Variants in CREBRF observed in about 807,000 individuals in gnomAD.
CREBRF encodes UPF0474 protein C5orf41.
A neutral mutation model predicts 66.1 loss-of-function variants in CREBRF; 5 were observed. That is an observed-to-expected ratio of 0.08 (90% CI 0.04 to 0.16). The LOEUF is 0.16. CREBRF is among the 10% of genes least tolerant of loss of function. The probability of loss-of-function intolerance (pLI) is 1.00; values close to 1 mark genes in which losing one functional copy is unlikely to be tolerated. For synonymous variants in CREBRF, 229 were observed against 264.4 expected (o/e 0.87, Z 1.30); for missense variants, 531 against 744.9 (o/e 0.71, Z 3.34).
At chr5:173,078,681 C>G (rs1757844198) in intron 1 of CREBRF, among the ~76,000 whole-genome samples, 1 of 151,572 alleles carries the variant, frequency 6.6e-6, no homozygotes, top group South Asian at 2.1e-4. Flanking sequence ...GCCTCAGCCT[C>G]CCAAAGTGCT....
chr5:173,072,617 C>G (rs1207623098), intron 1 of CREBRF, among the ~76,000 whole-genome samples: 2 of 139,380 alleles, frequency 1.4e-5, no homozygotes, highest in Non-Finnish European at 3.1e-5. Flanking sequence ...TTTGTAGAGA[C>G]AGGGTCTCAC....
chr5:173,080,812 T>A, intron 2 of CREBRF, 28 bp downstream of exon 2: 1 of 1,609,246 alleles, frequency 6.2e-7, no homozygotes, highest in Non-Finnish European at 8.5e-7. Context: ...GGTGCAAAGT[T>A]TTTTATTTTC....
chr5:173,080,935 T>G (rs1442439225), intron 2 of CREBRF, 151 bp downstream of exon 2: 2 of 717,262 alleles, frequency 2.8e-6, no homozygotes, highest in Non-Finnish European at 4.7e-6. Flanking sequence ...GTACATGTTC[T>G]TCCTTCCATT....
chr5:173,109,035 G>T, intron 5 of CREBRF: 1 of 489,384 alleles, frequency 2.0e-6, no homozygotes. Flanking sequence ...GAAGGACTGT[G>T]TAAACATTAT....
chr5:173,070,780 C>T (rs550424989), intron 1 of CREBRF, among the ~76,000 whole-genome samples: 14 of 152,144 alleles, frequency 9.2e-5, no homozygotes, highest in Middle Eastern at 3.4e-3. Flanking sequence ...AGCACATAAA[C>T]GATGCTCAAT....
rs1258149756 is a variant in CREBRF, at chr5:173,117,606, C to CTT, written c.1681+5227_1681+5228insTT. Among the ~76,000 whole-genome samples the CTT allele has an allele frequency of 1.0e-4, 6 of 58,410 alleles. 1 individual carries two copies. Among genetic ancestry groups the CTT allele is most frequent in the Non-Finnish European group, 2.4e-4 (6 of 24,902 alleles). 38.3% of individuals were successfully genotyped at this position (58,410 alleles called of 152,430 possible). ...CCTTCCTTCCTTCCTTCCTTCCATC[C>CTT]CTCCCTCCCTCCCTCACTCCCTCCC... On this transcript the variant is annotated intron_variant, in intron 7 of 8. Coordinates refer to ENST00000296953, the MANE Select transcript of CREBRF (RefSeq NM_153607.3).
intron 5 of CREBRF, chr5:173,109,589 A>C (rs1008730304): frequency 6.6e-6 from 1 of 152,168 alleles, no homozygotes; most frequent in Non-Finnish European, 1.5e-5. Flanking sequence ...AAATTAATCC[A>C]TAGTTTCTAG....
intron 2 of CREBRF, chr5:173,085,415 T>G: frequency 2.6e-6 from 2 of 762,690 alleles, no homozygotes; most frequent in Non-Finnish European, 4.1e-6. Context: ...AATACATTCT[T>G]TTTTTTTTTT....
intron 4 of CREBRF, among the ~76,000 whole-genome samples, chr5:173,107,242 C>G (rs1452746604): frequency 2.6e-5 from 4 of 152,102 alleles, no homozygotes; most frequent in Non-Finnish European, 4.4e-5. Flanking sequence ...GAAAAATTAC[C>G]TTTTTACTTA....
intron 8 of CREBRF, 182 bp downstream of exon 8, chr5:173,123,384 A>T: frequency 1.9e-6 from 1 of 516,096 alleles, no homozygotes; most frequent in Non-Finnish European, 3.3e-6. Flanking sequence ...GTTGCAGGTG[A>T]CCACAACTTG....
chr5:173,100,526 C>T (rs977029589), intron 4 of CREBRF, among the ~76,000 whole-genome samples: 8 of 151,720 alleles, frequency 5.3e-5, no homozygotes, highest in Admixed American at 3.3e-4. Flanking sequence ...CGGGTTCAAG[C>T]GATTCTCCTG....
chr5:173,100,114 G>A (rs1181253464), intron 4 of CREBRF, among the ~76,000 whole-genome samples: 6 of 117,908 alleles, frequency 5.1e-5, no homozygotes, highest in African/African-American at 1.5e-4. Flanking sequence ...GTGTGTGTGT[G>A]TGTGTATATA....
chr5:173,104,711 CAGAGAGAGAGAGAG>C (rs112995190), intron 4 of CREBRF, among the ~76,000 whole-genome samples: 3 of 146,506 alleles, frequency 2.0e-5, no homozygotes, highest in South Asian at 2.2e-4. Flanking sequence ...GCAACAAATT[CAGAGAGAGAGAGAG>C]AGAGAGAGAG....
chr5:173,120,683 CTTTTTTTTTTTTTTTTTT>C (rs70984942), intron 7 of CREBRF, among the ~76,000 whole-genome samples: 63 of 51,284 alleles, frequency 1.2e-3, no homozygotes, highest in African/African-American at 3.9e-3. Flanking sequence ...GCCTGAGCCT[CTTTTTTTTTTTTTTTTTT>C]TTTTTTTTTT....
At chr5:173,075,799 C>T (rs1757744502) in intron 1 of CREBRF, among the ~76,000 whole-genome samples, 1 of 152,054 alleles carries the variant, frequency 6.6e-6, no homozygotes, top group African/African-American at 2.4e-5. Context: ...CCCTGCCTCT[C>T]TTCGTTTCCC....
chr5:173,106,088 G>A (rs1018834772), intron 4 of CREBRF, among the ~76,000 whole-genome samples: 4 of 152,074 alleles, frequency 2.6e-5, no homozygotes, highest in African/African-American at 9.7e-5. Flanking sequence ...TTAAAAATTA[G>A]ACTTCTAGAA....
At position 173,135,495 on chromosome 5, in the gene CREBRF, GA is replaced by G. The variant is rs1427009514; in HGVS notation, c.*1754del. 1 of 152,114 alleles carries G rather than the reference GA, an allele frequency of 6.6e-6. No homozygotes were observed. The highest frequency in any genetic ancestry group is 6.6e-5 in the Admixed American group (1 of 15,224). 9.4% of individuals were successfully genotyped at this position (152,114 alleles called of 1,614,324 possible). A position where few individuals can be genotyped will look rare whatever the true frequency, so the allele number is the denominator to read the frequency against. ...TCTCAAATCTTGTGCTTTGAACTCT[GA>G]AAACTGGTGGCTTAAAAACTAAAAA... On this transcript the variant is annotated 3_prime_UTR_variant, in exon 9 of 9. Coordinates refer to ENST00000296953, the MANE Select transcript of CREBRF (RefSeq NM_153607.3).
chr5:173,058,786 C>CTTTTTT (rs70984932), intron 1 of CREBRF, among the ~76,000 whole-genome samples: 1 of 64,056 alleles, frequency 1.6e-5, no homozygotes, highest in Non-Finnish European at 3.1e-5. Context: ...CGCCCAGCCT[C>CTTTTTT]TTTTTTTTTT....
At chr5:173,122,119 G>A (rs1481446686) in intron 7 of CREBRF, among the ~76,000 whole-genome samples, 1 of 152,034 alleles carries the variant, frequency 6.6e-6, no homozygotes, top group Non-Finnish European at 1.5e-5. Flanking sequence ...GTTGTTTTTT[G>A]AGAGGGAGTC....
Sources: allele counts gnomAD v4.1 joint callset (sites outside exome capture counted in the v4.1 genomes callset), GRCh38; gene constraint gnomAD v4.1.1; transcripts MANE v1.5; gene names NCBI Gene and HGNC (gene_info 2026-07-23, HGNC 2026-07-21).